DDX10: variants seen among roughly 807,000 people sequenced by gnomAD.
The protein encoded by DDX10 is DEAD-box helicase 10.
DDX10 carries 74 observed loss-of-function variants against 104.3 expected under a neutral mutation model. That is an observed-to-expected ratio of 0.71 (90% CI 0.59 to 0.86). The LOEUF (loss-of-function observed/expected upper bound fraction) is 0.86, where lower values mean the gene tolerates loss of function less well. DDX10 is among the 40% of genes least tolerant of loss of function. The pLI is 0.00. For missense variants in DDX10, 952 were observed against 1,040.0 expected, an observed-to-expected ratio of 0.92 and a Z score of 1.16; for synonymous variants, 351 against 353.4, an observed-to-expected ratio of 0.99 and a Z score of 0.08.
chr11:108,762,391 G>A (rs1218970226), intron 13 of DDX10, among the ~76,000 whole-genome samples: 1 of 152,092 alleles, frequency 6.6e-6, no homozygotes, highest in Non-Finnish European at 1.5e-5. Flanking sequence ...CACACACCAG[G>A]GACTACAGGA....
At chr11:108,723,783 A>G (rs907615352) in intron 13 of DDX10, among the ~76,000 whole-genome samples, 1 of 152,166 alleles carries the variant, frequency 6.6e-6, no homozygotes, top group African/African-American at 2.4e-5. Flanking sequence ...TGGCATGAGG[A>G]TCCTTCGTTA....
chr11:108,789,257 G>A (rs1591818649), intron 13 of DDX10, among the ~76,000 whole-genome samples: 1 of 152,190 alleles, frequency 6.6e-6, no homozygotes, highest in East Asian at 1.9e-4. Flanking sequence ...GGTGGCAGTG[G>A]CTTTTACTAT....
chr11:108,816,725 G>A (rs1318979325), intron 13 of DDX10, among the ~76,000 whole-genome samples: 1 of 151,852 alleles, frequency 6.6e-6, no homozygotes, highest in Non-Finnish European at 1.5e-5. Flanking sequence ...GCTAATTTTT[G>A]TGTTTTTTAG....
Position 108,761,128 on chromosome 11 carries a change from T to C in DDX10, c.1965+37666T>C, listed in dbSNP as rs1305067254. ...TCTGCTTTTATTATGGAGTGTGTTA[T>C]AATCTCCAAGGACCTGGTTAGTTTT... is the stretch of plus-strand genomic sequence containing the variant. On this transcript the variant is annotated intron_variant, in intron 13 of 17. Coordinates refer to ENST00000322536, the MANE Select transcript of DDX10 (RefSeq NM_004398.4). 5.3e-5 allele frequency among the ~76,000 whole-genome samples: 8 copies of C among 152,128 alleles called. No homozygotes were observed. The South Asian group carries it at 1.2e-3, about 24-fold the overall frequency.
intron 9 of DDX10, among the ~76,000 whole-genome samples, chr11:108,695,937 G>T (rs1178518556): frequency 6.6e-6 from 1 of 152,040 alleles, no homozygotes; most frequent in Non-Finnish European, 1.5e-5. Flanking sequence ...GAATTAGTGG[G>T]TTCAAAAATA....
rs373093959 is a variant in DDX10 at position 108,852,126 on chromosome 11, A to C, written c.2248-27A>C. 1.7e-5 allele frequency: 27 copies of C among 1,584,948 alleles called. No homozygotes were observed. In the African/African-American group the frequency reaches 3.5e-4, roughly 21 times the overall value. On this transcript the variant is annotated intron_variant, in intron 15 of 17. Transcript: ENST00000322536. ...GTTTTATACCTAATTATATGCTGCT[A>C]ATTTTTCTCCTCTTCCTTGTCTCCA...
At position 108,881,328 on chromosome 11, in the gene DDX10, A is replaced by G. The variant is rs1278583379; in HGVS notation, c.2304+29119A>G. The stretch of plus-strand genomic sequence containing the variant: ...GATGTGGAAGTCCTGGATGTAAATT[A>G]AAGATGAGTAAGCACAGTGTGATCA... On this transcript the variant is annotated intron_variant, in intron 16 of 17. Coordinates refer to ENST00000322536, the MANE Select transcript of DDX10 (RefSeq NM_004398.4). 2.6e-5 allele frequency among the ~76,000 whole-genome samples: 4 copies of G among 152,316 alleles called. No homozygotes were observed. The East Asian group carries it at 7.7e-4, about 29-fold the overall frequency.
At chr11:108,704,446 G>A (rs1379295843) in intron 9 of DDX10, among the ~76,000 whole-genome samples, 2 of 152,178 alleles carry the variant, frequency 1.3e-5, no homozygotes, top group African/African-American at 2.4e-5. Flanking sequence ...CCTCAAGGGC[G>A]TTTTGGAAGT....
At chr11:108,692,066 C>G (rs1412004024) in intron 8 of DDX10, 28 bp downstream of exon 8, 6 of 1,565,170 alleles carry the variant, frequency 3.8e-6, no homozygotes, top group South Asian at 3.6e-5. Flanking sequence ...CATGAAATTT[C>G]TGTGATTGTG....
At chr11:108,927,929 G>A (rs1454609785) in intron 17 of DDX10, among the ~76,000 whole-genome samples, 4 of 152,190 alleles carry the variant, frequency 2.6e-5, no homozygotes, top group African/African-American at 7.2e-5. Flanking sequence ...GTGAGCCACC[G>A]TGCCCAGCTG....
chr11:108,795,492 T>TC (rs1861928939), intron 13 of DDX10, among the ~76,000 whole-genome samples: 1 of 77,252 alleles, frequency 1.3e-5, no homozygotes, highest in Non-Finnish European at 2.4e-5. Flanking sequence ...CTCTCCCCCC[T>TC]CCCCCCACCC....
intron 13 of DDX10, among the ~76,000 whole-genome samples, chr11:108,765,864 T>A (rs1166404893): frequency 1.3e-5 from 2 of 152,216 alleles, no homozygotes; most frequent in Non-Finnish European, 2.9e-5. Flanking sequence ...TAGGTGTTAC[T>A]GTAAAGAACC....
chr11:108,765,447 A>C (rs1378881906), intron 13 of DDX10, among the ~76,000 whole-genome samples: 1 of 152,240 alleles, frequency 6.6e-6, no homozygotes, highest in Non-Finnish European at 1.5e-5. Flanking sequence ...AGACTAGATG[A>C]CAAGAGACTA....
intron 5 of DDX10, among the ~76,000 whole-genome samples, chr11:108,678,774 G>A (rs377061260): frequency 1.3e-5 from 2 of 150,074 alleles, no homozygotes; most frequent in South Asian, 4.2e-4. Context: ...ACTACCTGAT[G>A]TGTATTTTTA....
At chr11:108,733,861 T>C (rs115676568) in intron 13 of DDX10, among the ~76,000 whole-genome samples, 1,627 of 152,238 alleles carry the variant, frequency 0.011, 28 homozygotes, top group African/African-American at 0.037. Context: ...CCTTCCATGC[T>C]ACCCTTAAGT....
intron 13 of DDX10, among the ~76,000 whole-genome samples, chr11:108,750,427 T>G (rs745496417): frequency 3.8e-4 from 58 of 152,330 alleles, no homozygotes; most frequent in Admixed American, 1.4e-3. Flanking sequence ...TAACTAGTTA[T>G]TAGGTTATTG....
At chr11:108,888,784 TA>T (rs61520289) in intron 16 of DDX10, among the ~76,000 whole-genome samples, 181 of 147,272 alleles carry the variant, frequency 1.2e-3, no homozygotes, top group South Asian at 2.4e-3. Flanking sequence ...TTCTATCGTT[TA>T]AAAAAAAAAA....
chr11:108,713,150 C>A (rs544075528), intron 10 of DDX10, among the ~76,000 whole-genome samples: 1 of 152,234 alleles, frequency 6.6e-6, no homozygotes, highest in Non-Finnish European at 1.5e-5. Flanking sequence ...CTCAGTCTGT[C>A]TTTTTCTGTC....
intron 9 of DDX10, 135 bp downstream of exon 9, chr11:108,693,735 C>A: frequency 1.4e-6 from 1 of 702,094 alleles, no homozygotes; most frequent in South Asian, 1.6e-5. Flanking sequence ...GAGTTGACAG[C>A]TACTGTAAAT....
Sources: allele counts gnomAD v4.1 joint callset (sites outside exome capture counted in the v4.1 genomes callset), GRCh38; gene constraint gnomAD v4.1.1; transcripts MANE v1.5; gene names NCBI Gene and HGNC (gene_info 2026-07-23, HGNC 2026-07-21).